The following SESN3 variants were observed in gnomAD, a reference collection of about 807,000 sequenced individuals.
The protein encoded by SESN3 is sestrin 3.
SESN3 carries 21 observed loss-of-function variants against 55.3 expected under a neutral mutation model. The observed-to-expected ratio is 0.38, with a 90% CI of 0.27 to 0.55. The LOEUF (loss-of-function observed/expected upper bound fraction) is 0.55, where lower values mean the gene tolerates loss of function less well. Ranked by LOEUF, SESN3 falls within the 20% of genes least tolerant of loss-of-function variation. SESN3 has a pLI of 0.76. For synonymous variants in SESN3, 181 were observed against 203.1 expected (o/e 0.89, Z 0.93); for missense variants, 408 against 604.3 (o/e 0.68, Z 3.41).
chr11:95,177,730 C>T lies in SESN3; in HGVS notation c.1236G>A (p.Met412Ile), dbSNP rs1267792413. The T allele has an allele frequency of 5.6e-6, 9 of 1,605,966 alleles. No individual in the cohort carries two copies. Among genetic ancestry groups the T allele is most frequent in the Non-Finnish European group, 7.6e-6 (9 of 1,177,432 alleles). ...RRALFNYVHC[M>I]FGIRYDDYDY... Reference sequence around the variant, plus strand: ...TACAATGAACATACCTGATTCCAAACATACAGTGAACATAGTTAAATAAAG... The same window carrying T: ...TACAATGAACATACCTGATTCCAAATATACAGTGAACATAGTTAAATAAAG... The change falls in exon 8 of 10, where the codon ATG becomes ATA. Residue 412 changes from methionine to isoleucine, a missense_variant. Around this residue, in one of 4 missense-constraint regions of SESN3, gnomAD observed 121 missense variants for 204.9 expected, o/e 0.59. Coordinates refer to ENST00000536441, the MANE Select transcript of SESN3 (RefSeq NM_144665.4).
intron 1 of SESN3, among the ~76,000 whole-genome samples, chr11:95,216,958 T>C (rs1860769936): frequency 6.6e-6 from 1 of 151,766 alleles, no homozygotes. Flanking sequence ...ATACAAAAAC[T>C]AGCTGGGTGT....
In SESN3 at chr11:95,177,734, C is replaced by G; in HGVS notation, c.1232G>C (p.Cys411Ser). Reference protein sequence around the residue: ...LRRALFNYVHCMFGIRYDDYD... With the variant: ...LRRALFNYVHSMFGIRYDDYD... The stretch of plus-strand genomic sequence containing the variant: ...ATGAACATACCTGATTCCAAACATA[C>G]AGTGAACATAGTTAAATAAAGCTCT... The change falls in exon 8 of 10, where the codon TGT (cysteine) becomes TCT (serine). Residue 411 changes from cysteine (C) to serine (S), a missense_variant. Cys to Ser is a moderately radical substitution (Grantham distance 112, BLOSUM62 -1). Coordinates refer to ENST00000536441, the MANE Select transcript of SESN3 (RefSeq NM_144665.4). 1 of 1,608,034 alleles carries G rather than the reference C, an allele frequency of 6.2e-7. No individual in the cohort carries two copies. The highest frequency in any genetic ancestry group is 1.1e-5 in the South Asian group (1 of 89,734).
chr11:95,175,471 T>C lies in SESN3; in HGVS notation c.1392+27A>G. 2.5e-6 allele frequency: 4 copies of C among 1,592,718 alleles called. No homozygotes were observed. In the South Asian group the frequency reaches 4.4e-5, roughly 18 times the overall value. ...TCTTGTACTGAAGAACTGTCTATGG[T>C]ATAATGCTTAATACTGAAACACGTA... On this transcript the variant is annotated intron_variant, in intron 9 of 9. Transcript: ENST00000536441.
intron 4 of SESN3, 151 bp downstream of exon 4, chr11:95,189,628 T>C: frequency 1.9e-6 from 1 of 522,366 alleles, no homozygotes; most frequent in East Asian, 3.2e-5. Flanking sequence ...AGGAGAAGTA[T>C]TCATTTGTGC....
intron 1 of SESN3, among the ~76,000 whole-genome samples, chr11:95,206,860 A>T (rs961639995): frequency 6.6e-6 from 1 of 151,668 alleles, no homozygotes; most frequent in Non-Finnish European, 1.5e-5. Context: ...CAGTGGCATG[A>T]TCTCAGCTCA....
intron 8 of SESN3, among the ~76,000 whole-genome samples, chr11:95,175,894 T>G (rs1184712581): frequency 1.3e-5 from 2 of 151,860 alleles, no homozygotes; most frequent in African/African-American, 4.8e-5. Context: ...CGAAGAAAAA[T>G]TAAAAAGATA....
chr11:95,184,859 T>C (rs920762971), intron 5 of SESN3, among the ~76,000 whole-genome samples: 3 of 152,050 alleles, frequency 2.0e-5, no homozygotes, highest in Non-Finnish European at 4.4e-5. Flanking sequence ...TTGGTATATA[T>C]TAAATATTAT....
At chr11:95,186,340 C>A (rs1034318524) in intron 4 of SESN3, among the ~76,000 whole-genome samples, 2 of 151,052 alleles carry the variant, frequency 1.3e-5, no homozygotes, top group African/African-American at 4.9e-5. Context: ...CAAAACAAAA[C>A]AAAATAAAAA....
At chr11:95,224,131 G>A (rs556325313) in intron 1 of SESN3, among the ~76,000 whole-genome samples, 5 of 152,204 alleles carry the variant, frequency 3.3e-5, no homozygotes, top group South Asian at 2.1e-4. Flanking sequence ...TGAACTATGC[G>A]TGAAAAATCG....
chr11:95,175,397 G>A (rs1001373117), intron 9 of SESN3, 101 bp downstream of exon 9: 10 of 1,049,582 alleles, frequency 9.5e-6, no homozygotes, highest in Non-Finnish European at 1.4e-5. Context: ...CCATGTCAAT[G>A]GCTATAATTT....
chr11:95,166,701 G>A lies in SESN3; in HGVS notation c.*6554C>T, dbSNP rs1591037075. On this transcript the variant is annotated 3_prime_UTR_variant, in exon 10 of 10. Coordinates refer to ENST00000536441, the MANE Select transcript of SESN3 (RefSeq NM_144665.4). ...CCATGTTGCAAGTGGACCTGACAGGGTTCTTTATAACCTTGCTGAGACTGT... is the reference window on the plus strand; with the variant it reads ...CCATGTTGCAAGTGGACCTGACAGGATTCTTTATAACCTTGCTGAGACTGT... 1.3e-5 allele frequency: 2 copies of A among 152,308 alleles called. No homozygotes were observed. Among genetic ancestry groups the A allele is most frequent in the South Asian group, 2.1e-4 (1 of 4,834 alleles). The allele number at this position is 152,308 out of a possible 1,614,324, so 9.4% of individuals were successfully genotyped here. A position where few individuals can be genotyped will look rare whatever the true frequency, so the allele number is the denominator to read the frequency against.
intron 1 of SESN3, among the ~76,000 whole-genome samples, chr11:95,194,039 T>A (rs1039196773): frequency 9.0e-4 from 137 of 152,200 alleles, no homozygotes; most frequent in African/African-American, 3.3e-3. Flanking sequence ...GTTAGTTCAA[T>A]ATAAAGAATG....
chr11:95,183,326 A>G (rs1395176121), intron 6 of SESN3, among the ~76,000 whole-genome samples: 1 of 152,134 alleles, frequency 6.6e-6, no homozygotes, highest in African/African-American at 2.4e-5. Context: ...TGGTTACTCA[A>G]TTTGGTAGAT....
chr11:95,198,208 G>A (rs939559840), intron 1 of SESN3, among the ~76,000 whole-genome samples: 2 of 152,096 alleles, frequency 1.3e-5, no homozygotes, highest in African/African-American at 4.8e-5. Flanking sequence ...CCCCTCACAA[G>A]TGAGAATAAT....
intron 1 of SESN3, among the ~76,000 whole-genome samples, chr11:95,196,767 T>C (rs955044302): frequency 6.6e-5 from 10 of 152,240 alleles, no homozygotes; most frequent in African/African-American, 2.4e-4. Context: ...CATTTCCATC[T>C]TCCACTGCAG....
Position 95,166,942 on chromosome 11 carries a change from A to G in SESN3, c.*6313T>C, listed in dbSNP as rs1311674125. The G allele has an allele frequency of 1.3e-5, 2 of 152,230 alleles. No individual in the cohort carries two copies. The highest frequency in any genetic ancestry group is 2.9e-5 in the Non-Finnish European group (2 of 68,036). 9.4% of individuals were successfully genotyped at this position (152,230 alleles called of 1,614,324 possible). ...ACTTTCCTTGGTGAACAAGGGTACT[A>G]TTTAACTCTTTTACCTTAGAGAACC... On this transcript the variant is annotated 3_prime_UTR_variant, in exon 10 of 10. Transcript: ENST00000536441.
At chr11:95,205,954 T>C (rs1860538687) in intron 1 of SESN3, among the ~76,000 whole-genome samples, 1 of 152,114 alleles carries the variant, frequency 6.6e-6, no homozygotes, top group African/African-American at 2.4e-5. Context: ...TCTCCAACAT[T>C]CTGGCCCCTA....
intron 3 of SESN3, among the ~76,000 whole-genome samples, chr11:95,190,496 C>A (rs180681280): frequency 4.0e-4 from 61 of 151,984 alleles, no homozygotes; most frequent in Admixed American, 2.2e-3. Flanking sequence ...TTCCTCAGGG[C>A]TGCTTCTCAG....
In SESN3 at chr11:95,172,871, G is replaced by A. The variant is rs947217008; in HGVS notation, c.*384C>T. 10 of 163,292 alleles carry A rather than the reference G, an allele frequency of 6.1e-5. No homozygotes were observed. The East Asian group carries it at 1.7e-3, about 28-fold the overall frequency. The allele number at this position is 163,292 out of a possible 1,614,324, so 10.1% of individuals were successfully genotyped here. On this transcript the variant is annotated 3_prime_UTR_variant, in exon 10 of 10. Coordinates refer to ENST00000536441, the MANE Select transcript of SESN3 (RefSeq NM_144665.4). ...TGAAAAACAATTGCTTGAGCAGATT[G>A]TAAGCACTTGTCCTTATTCTTAAAA... is the stretch of plus-strand genomic sequence containing the variant.
Sources: gnomAD v4.1 joint callset for allele counts (sites outside exome capture counted in the v4.1 genomes callset) on GRCh38, gnomAD v4.1.1 for gene constraint, gnomAD v4.1.1 regional missense constraint, MANE v1.5 for transcripts, NCBI Gene and HGNC (gene_info 2026-07-23, HGNC 2026-07-21) for gene names.